Variants in SLC2A13 observed in about 807,000 individuals in gnomAD.
The protein encoded by SLC2A13 is proton myo-inositol cotransporter.
A neutral mutation model predicts 64.4 loss-of-function variants in SLC2A13; 32 were observed. The observed-to-expected ratio is 0.50, with a 90% CI of 0.37 to 0.67. The LOEUF (loss-of-function observed/expected upper bound fraction) is 0.67. SLC2A13 is among the 30% of genes least tolerant of loss of function. SLC2A13 has a pLI of 0.00. For missense variants in SLC2A13, 743 were observed against 829.2 expected (o/e 0.90, Z 1.28); for synonymous variants, 338 against 327.1 (o/e 1.03, Z -0.36).
chr12:40,032,884 C>T (rs1947925388), intron 2 of SLC2A13, among the ~76,000 whole-genome samples: 1 of 152,180 alleles, frequency 6.6e-6, no homozygotes, highest in Non-Finnish European at 1.5e-5. Flanking sequence ...ATGTTATCTG[C>T]TCTTTCGTAG....
Position 39,951,383 on chromosome 12 carries a change from GA to G in SLC2A13, c.926-19del, listed in dbSNP as rs11446411. The G allele has an allele frequency of 1.6e-4, 220 of 1,371,910 alleles. No individual in the cohort carries two copies. Among genetic ancestry groups the G allele is most frequent in the African/African-American group, 8.2e-4 (56 of 67,976 alleles). The allele number at this position is 1,371,910 out of a possible 1,614,324, so 85.0% of individuals were successfully genotyped here. The stretch of plus-strand genomic sequence containing the variant: ...AGGTCCAGCTTTTTTAAGAAAGAAA[GA>G]AAAAAAAAATACAACTATTATTTTT... On this transcript the variant is annotated intron_variant, in intron 3 of 9. Coordinates refer to ENST00000280871, the MANE Select transcript of SLC2A13 (RefSeq NM_052885.4).
chr12:39,789,511 ACATATCT>A (rs1160091205), intron 7 of SLC2A13, among the ~76,000 whole-genome samples: 3 of 152,152 alleles, frequency 2.0e-5, no homozygotes, highest in Non-Finnish European at 4.4e-5. Flanking sequence ...CATATTTTTA[ACATATCT>A]CCAGGTACAT....
intron 4 of SLC2A13, among the ~76,000 whole-genome samples, chr12:39,920,640 C>A (rs747522819): frequency 6.6e-6 from 1 of 151,970 alleles, no homozygotes; most frequent in Non-Finnish European, 1.5e-5. Flanking sequence ...ATGCTGAATC[C>A]CAATTATATC....
Position 40,086,074 on chromosome 12 carries a change from T to C in SLC2A13, c.556+19179A>G, listed in dbSNP as rs542746838. ...GGCTGGTCTTGAACTCCTGACCTCG[T>C]GATCCACCGGCCTCGGCCTCCCAAA... On this transcript the variant is annotated intron_variant, in intron 1 of 9. Coordinates refer to ENST00000280871, the MANE Select transcript of SLC2A13 (RefSeq NM_052885.4). Among the ~76,000 whole-genome samples, 5 of 152,272 alleles carry C rather than the reference T, an allele frequency of 3.3e-5. No individual in the cohort carries two copies. The East Asian group carries it at 7.7e-4, about 24-fold the overall frequency.
intron 2 of SLC2A13, among the ~76,000 whole-genome samples, chr12:40,040,100 T>C (rs767161005): frequency 2.0e-5 from 3 of 152,204 alleles, no homozygotes; most frequent in Admixed American, 1.3e-4. Flanking sequence ...AGAGCAATTT[T>C]TATTGCCAGC....
chr12:40,030,683 T>C (rs537612042), intron 2 of SLC2A13, among the ~76,000 whole-genome samples: 87 of 152,130 alleles, frequency 5.7e-4, no homozygotes, highest in Non-Finnish European at 5.1e-4. Flanking sequence ...TACTTGCTAT[T>C]AAATCCCAGG....
intron 4 of SLC2A13, among the ~76,000 whole-genome samples, chr12:39,921,724 A>T (rs1945618259): frequency 6.6e-6 from 1 of 152,164 alleles, no homozygotes; most frequent in Admixed American, 6.6e-5. Flanking sequence ...CAGATATGCC[A>T]GTAATACTTG....
intron 1 of SLC2A13, among the ~76,000 whole-genome samples, chr12:40,070,817 C>T (rs17489417): frequency 0.023 from 3,452 of 152,214 alleles, 139 homozygotes; most frequent in African/African-American, 0.078. Flanking sequence ...TTTCTTATTC[C>T]TAACCACATA....
chr12:39,799,391 T>C (rs1387279378), intron 7 of SLC2A13, among the ~76,000 whole-genome samples: 1 of 151,560 alleles, frequency 6.6e-6, no homozygotes, highest in East Asian at 1.9e-4. Flanking sequence ...ATTACAGGCA[T>C]GAGCCACTAA....
At chr12:39,787,917 T>C (rs1014328546) in intron 7 of SLC2A13, among the ~76,000 whole-genome samples, 7 of 152,148 alleles carry the variant, frequency 4.6e-5, no homozygotes, top group Non-Finnish European at 1.0e-4. Flanking sequence ...AAGAGCAGTA[T>C]TGTCACCTAC....
At chr12:39,769,870 G>A (rs893414922) in intron 7 of SLC2A13, among the ~76,000 whole-genome samples, 2 of 151,980 alleles carry the variant, frequency 1.3e-5, no homozygotes, top group African/African-American at 4.8e-5. Context: ...CACCCTCCCA[G>A]ATGCTGGCTA....
At chr12:39,863,262 G>T (rs1326619791) in intron 6 of SLC2A13, among the ~76,000 whole-genome samples, 7 of 152,100 alleles carry the variant, frequency 4.6e-5, no homozygotes, top group Non-Finnish European at 8.8e-5. Context: ...AAACTGCTGT[G>T]CAGTGAGATA....
rs1940011562 is a variant in SLC2A13, at chr12:39,757,938, A to G, written c.*2088T>C. 2.0e-5 allele frequency: 3 copies of G among 152,280 alleles called. No homozygotes were observed. In the South Asian group the frequency reaches 6.2e-4, roughly 32 times the overall value. 9.4% of individuals were successfully genotyped at this position (152,280 alleles called of 1,614,324 possible). ...AAAATAAATTTTTAGAGAGCACTTT[A>G]TTGGTCTACTTTTTCTCCTTATTAT... On this transcript the variant is annotated 3_prime_UTR_variant, in exon 10 of 10. Coordinates refer to ENST00000280871, the MANE Select transcript of SLC2A13 (RefSeq NM_052885.4).
intron 4 of SLC2A13, among the ~76,000 whole-genome samples, chr12:39,925,771 T>C (rs1177012856): frequency 6.6e-6 from 1 of 152,192 alleles, no homozygotes; most frequent in Non-Finnish European, 1.5e-5. Flanking sequence ...TCATTTGGTA[T>C]TTTCCTCTAT....
At chr12:40,031,151 T>C (rs483163) in intron 2 of SLC2A13, among the ~76,000 whole-genome samples, 114,689 of 152,152 alleles carry the variant, frequency 0.75, 43,472 homozygotes, top group East Asian at 0.85. Flanking sequence ...GACACAGGAA[T>C]GGATGTGGGT....
intron 2 of SLC2A13, among the ~76,000 whole-genome samples, chr12:40,029,525 T>C (rs1018304716): frequency 6.6e-6 from 1 of 152,196 alleles, no homozygotes; most frequent in Non-Finnish European, 1.5e-5. Context: ...CTTGGCTCAA[T>C]ATATTTTTCA....
chr12:39,899,019 T>A (rs1055611395), intron 4 of SLC2A13, among the ~76,000 whole-genome samples: 1 of 152,120 alleles, frequency 6.6e-6, no homozygotes, highest in Non-Finnish European at 1.5e-5. Flanking sequence ...GAGGATTCCC[T>A]CTTTTTCTAT....
chr12:40,062,128 C>G lies in SLC2A13; in HGVS notation c.557-13918G>C, dbSNP rs562803619. On this transcript the variant is annotated intron_variant, in intron 1 of 9. Transcript: ENST00000280871. ...TGTGTAAAAAAATAAAATTGAACCCCTACTTCTTATTACATACAAAAGTCA... is the reference window on the plus strand; with the variant it reads ...TGTGTAAAAAAATAAAATTGAACCCGTACTTCTTATTACATACAAAAGTCA... 2.0e-5 allele frequency among the ~76,000 whole-genome samples: 3 copies of G among 152,086 alleles called. No homozygotes were observed. The East Asian group carries it at 5.8e-4, about 29-fold the overall frequency.
chr12:39,787,643 C>G (rs928233283), intron 7 of SLC2A13, among the ~76,000 whole-genome samples: 3 of 152,074 alleles, frequency 2.0e-5, no homozygotes, highest in African/African-American at 7.2e-5. Context: ...TTACTCATTT[C>G]TATTCAGTAA....
Sources: allele counts gnomAD v4.1 joint callset (sites outside exome capture counted in the v4.1 genomes callset), GRCh38; gene constraint gnomAD v4.1.1; transcripts MANE v1.5; gene names NCBI Gene and HGNC (gene_info 2026-07-23, HGNC 2026-07-21).